Variants in CACNA1D observed in about 807,000 individuals in gnomAD.
CACNA1D encodes voltage-dependent L-type calcium channel subunit alpha-1D.
CACNA1D carries 55 observed loss-of-function variants against 257.1 expected under a neutral mutation model. That is an observed-to-expected ratio of 0.21 (90% CI 0.17 to 0.27). The LOEUF is 0.27. CACNA1D is among the 10% of genes least tolerant of loss of function. The pLI, the probability that CACNA1D is intolerant of heterozygous loss-of-function variation, is 1.00. For missense variants in CACNA1D, 1,876 were observed against 2,784.0 expected (o/e 0.67, Z 7.34); for synonymous variants, 980 against 1,014.9 (o/e 0.97, Z 0.65).
chr3:53,718,601 C>CCCCCCCAAAAAA, intron 10 of CACNA1D: 1 of 1,103,194 alleles, frequency 9.1e-7, no homozygotes, highest in Non-Finnish European at 1.3e-6. Context: ...CCCCCCGGCC[C>CCCCCCCAAAAAA]AGCATTTCAC....
chr3:53,702,865 G>A (rs753379274), intron 9 of CACNA1D, 55 bp downstream of exon 9: 46 of 1,596,418 alleles, frequency 2.9e-5, no homozygotes, highest in Middle Eastern at 1.9e-4. Flanking sequence ...CGGTTCAGAC[G>A]CCTAGCAGTA....
intron 29 of CACNA1D, among the ~76,000 whole-genome samples, chr3:53,755,670 G>A (rs1423837360): frequency 6.6e-6 from 1 of 152,134 alleles, no homozygotes; most frequent in African/African-American, 2.4e-5. Flanking sequence ...AGTAGCAGCA[G>A]CATCTCCACA....
intron 11 of CACNA1D, 56 bp downstream of exon 11, chr3:53,719,837 C>G: frequency 6.7e-7 from 1 of 1,502,424 alleles, no homozygotes; most frequent in Non-Finnish European, 9.3e-7. Flanking sequence ...TGTATGTTCT[C>G]ACTTCTGAAT....
At chr3:53,764,562 C>T (rs924954565) in intron 30 of CACNA1D, among the ~76,000 whole-genome samples, 5 of 152,230 alleles carry the variant, frequency 3.3e-5, no homozygotes, top group African/African-American at 9.6e-5. Flanking sequence ...AGCTTTCTCA[C>T]GCCTGACCTG....
At chr3:53,624,549 C>T (rs182047335) in intron 3 of CACNA1D, among the ~76,000 whole-genome samples, 2 of 152,318 alleles carry the variant, frequency 1.3e-5, no homozygotes, top group African/African-American at 4.8e-5. Context: ...CCAGCCCCAG[C>T]CTAGCTGTAA....
intron 8 of CACNA1D, among the ~76,000 whole-genome samples, chr3:53,683,213 A>C (rs2094448031): frequency 6.6e-6 from 1 of 152,264 alleles, no homozygotes; most frequent in Non-Finnish European, 1.5e-5. Flanking sequence ...AGCCAGGCAG[A>C]GAACAGCTAG....
At chr3:53,663,798 T>C (rs2094230801) in intron 5 of CACNA1D, among the ~76,000 whole-genome samples, 1 of 151,764 alleles carries the variant, frequency 6.6e-6, no homozygotes, top group African/African-American at 2.4e-5. Context: ...TCTCTCTCTC[T>C]TTTTTTTGGA....
chr3:53,583,990 G>A (rs1188545389), intron 3 of CACNA1D, among the ~76,000 whole-genome samples: 1 of 152,194 alleles, frequency 6.6e-6, no homozygotes, highest in Non-Finnish European at 1.5e-5. Context: ...GTGGCATGTA[G>A]TATTTTAAGG....
At chr3:53,737,807 G>A (rs1309262315) in intron 20 of CACNA1D, among the ~76,000 whole-genome samples, 1 of 152,218 alleles carries the variant, frequency 6.6e-6, no homozygotes, top group Non-Finnish European at 1.5e-5. Flanking sequence ...TCTGCGACAA[G>A]AGCAAAACTC....
At chr3:53,715,970 T>C (rs1282286271) in intron 9 of CACNA1D, among the ~76,000 whole-genome samples, 2 of 152,308 alleles carry the variant, frequency 1.3e-5, no homozygotes, top group East Asian at 3.9e-4. Flanking sequence ...ATAGAAAATA[T>C]GTAATTTATC....
intron 40 of CACNA1D, chr3:53,791,711 G>A (rs2095484056): frequency 6.6e-6 from 1 of 152,478 alleles, no homozygotes; most frequent in East Asian, 1.9e-4. Flanking sequence ...CAACACCTCA[G>A]GTTCCATCTT....
At chr3:53,699,226 A>G (rs1482923616) in intron 8 of CACNA1D, among the ~76,000 whole-genome samples, 5 of 152,100 alleles carry the variant, frequency 3.3e-5, no homozygotes, top group Non-Finnish European at 7.4e-5. Flanking sequence ...GTGTCCTTCT[A>G]TGTGTCTCCC....
At chr3:53,555,461 T>TG (rs533515957) in intron 3 of CACNA1D, among the ~76,000 whole-genome samples, 18,362 of 91,400 alleles carry the variant, frequency 0.2, 1,051 homozygotes, top group Middle Eastern at 0.26. Flanking sequence ...TGTGTGTGTG[T>TG]TTTTTTTTTT....
intron 45 of CACNA1D, among the ~76,000 whole-genome samples, chr3:53,807,328 C>T (rs2095571818): frequency 6.6e-6 from 1 of 152,198 alleles, no homozygotes; most frequent in South Asian, 2.1e-4. Context: ...CCGTGTGTGT[C>T]CCATGTAGGC....
chr3:53,792,994 G>T (rs76241026), intron 40 of CACNA1D, among the ~76,000 whole-genome samples: 1 of 152,332 alleles, frequency 6.6e-6, no homozygotes, highest in African/African-American at 2.4e-5. Context: ...TGACTGCTTC[G>T]TGCTGCACCA....
At chr3:53,735,097 G>A (rs1038144008) in intron 19 of CACNA1D, among the ~76,000 whole-genome samples, 8 of 152,132 alleles carry the variant, frequency 5.3e-5, no homozygotes, top group Non-Finnish European at 1.0e-4. Flanking sequence ...CCATCTTGAG[G>A]AAGACAACAA....
At chr3:53,770,332 C>A (rs1212497371) in intron 31 of CACNA1D, 92 bp from the exon 32 acceptor site, 2 of 1,215,928 alleles carry the variant, frequency 1.6e-6, no homozygotes, top group Non-Finnish European at 2.4e-6. Context: ...TCAGTTCTTA[C>A]CTCTGTCACC....
chr3:53,607,036 G>A (rs1030524886), intron 3 of CACNA1D, among the ~76,000 whole-genome samples: 2 of 152,210 alleles, frequency 1.3e-5, no homozygotes, highest in Non-Finnish European at 2.9e-5. Flanking sequence ...TGTACCTGCT[G>A]TTGGACATTA....
In CACNA1D at chr3:53,812,839, A is replaced by G. The variant is rs561880513; in HGVS notation, c.*1433A>G. The G allele has an allele frequency of 2.0e-5, 3 of 152,310 alleles. No individual in the cohort carries two copies. Among genetic ancestry groups the G allele is most frequent in the African/African-American group, 7.2e-5 (3 of 41,568 alleles). 9.4% of individuals were successfully genotyped at this position (152,310 alleles called of 1,614,324 possible). A position where few individuals can be genotyped will look rare whatever the true frequency, so the allele number is the denominator to read the frequency against. On this transcript the variant is annotated 3_prime_UTR_variant, in exon 48 of 48. Transcript: ENST00000350061. ...GGATTGGAGTGTCGGGGTCTGTACAAATCGTATTGTTGCCTTTTACAAAAC... is the reference window on the plus strand; with the variant it reads ...GGATTGGAGTGTCGGGGTCTGTACAGATCGTATTGTTGCCTTTTACAAAAC...
Sources: allele counts gnomAD v4.1 joint callset (sites outside exome capture counted in the v4.1 genomes callset), GRCh38; gene constraint gnomAD v4.1.1; transcripts MANE v1.5; gene names NCBI Gene and HGNC (gene_info 2026-07-23, HGNC 2026-07-21).